Variants in CIMIP2C observed in about 807,000 individuals in gnomAD.
CIMIP2C encodes the protein UPF0573 protein C2orf70.
chr2:26,563,591 C>T, the CIMIP2C span, among the ~76,000 whole-genome samples: 1 of 152,092 alleles, frequency 6.6e-6, no homozygotes, highest in Non-Finnish European at 1.5e-5. Flanking sequence ...ATGAATGATC[C>T]TAAGAACCCT....
the CIMIP2C span, chr2:26,562,814 G>A: frequency 6.3e-5 from 49 of 779,974 alleles, 1 homozygote; most frequent in South Asian, 3.3e-4. Flanking sequence ...TCCACCCGAC[G>A]GGGCGAGGGG....
the CIMIP2C span, among the ~76,000 whole-genome samples, chr2:26,572,349 G>GTTTTTTTTTTTTT: frequency 1.4e-5 from 2 of 138,658 alleles, no homozygotes; most frequent in African/African-American, 2.7e-5. Context: ...TACTGAGTTG[G>GTTTTTTTTTTTTT]TTTTTTTTTT....
At chr2:26,576,240 A>G in the CIMIP2C span, 1 of 1,547,500 alleles carries the variant, frequency 6.5e-7, no homozygotes, top group Non-Finnish European at 8.7e-7. Context: ...ACGGGAAGGG[A>G]GTGATGGCCA....
At chr2:26,571,543 C>T in the CIMIP2C span, among the ~76,000 whole-genome samples, 2 of 152,164 alleles carry the variant, frequency 1.3e-5, no homozygotes, top group Non-Finnish European at 2.9e-5. Context: ...TTTGTGTTCC[C>T]AGCACTTAGT....
chr2:26,577,590 C>G, the CIMIP2C span: 2 of 1,614,062 alleles, frequency 1.2e-6, no homozygotes, highest in Non-Finnish European at 1.7e-6. Flanking sequence ...TTGCGATGCC[C>G]GTGAGGGAGC....
At chr2:26,576,955 C>T in the CIMIP2C span, among the ~76,000 whole-genome samples, 3 of 152,364 alleles carry the variant, frequency 2.0e-5, no homozygotes, top group South Asian at 2.1e-4. Flanking sequence ...AAGCCTCCCC[C>T]TCTAGCCTGA....
chr2:26,574,900 A>G, the CIMIP2C span, among the ~76,000 whole-genome samples: 1 of 152,232 alleles, frequency 6.6e-6, no homozygotes, highest in Non-Finnish European at 1.5e-5. Context: ...CAAGGGCCTC[A>G]TGGAGCAGAA....
At chr2:26,572,812 G>A in the CIMIP2C span, among the ~76,000 whole-genome samples, 1 of 152,218 alleles carries the variant, frequency 6.6e-6, no homozygotes, top group Non-Finnish European at 1.5e-5. Context: ...AGGAGGAGAA[G>A]GAGGGAGGGG....
At chr2:26,573,015 A>G in the CIMIP2C span, among the ~76,000 whole-genome samples, 1 of 152,230 alleles carries the variant, frequency 6.6e-6, no homozygotes, top group Non-Finnish European at 1.5e-5. Flanking sequence ...TACACGTCAC[A>G]GGTTAGGTTT....
At chr2:26,579,399 G>A in the CIMIP2C span, 2 of 1,614,068 alleles carry the variant, frequency 1.2e-6, no homozygotes, top group East Asian at 2.2e-5. Flanking sequence ...CTCCACAGGA[G>A]CGGAAAAAGA....
the CIMIP2C span, among the ~76,000 whole-genome samples, chr2:26,564,788 T>C: frequency 1.2e-3 from 190 of 152,358 alleles, 1 homozygote; most frequent in Non-Finnish European, 2.1e-3. Context: ...GCTTTATTCA[T>C]AGAGGCGAGA....
chr2:26,573,626 C>T, the CIMIP2C span, among the ~76,000 whole-genome samples: 1 of 152,236 alleles, frequency 6.6e-6, no homozygotes, highest in Admixed American at 6.5e-5. Context: ...CCAATTCCTC[C>T]GTCTTCCCAG....
the CIMIP2C span, among the ~76,000 whole-genome samples, chr2:26,567,657 G>A: frequency 1.4e-4 from 22 of 152,322 alleles, no homozygotes; most frequent in African/African-American, 5.3e-4. Flanking sequence ...GGCACCCGAG[G>A]TGCAGCCCTC....
the CIMIP2C span, chr2:26,562,795 A>G: frequency 1.0e-6 from 1 of 971,654 alleles, no homozygotes; most frequent in Non-Finnish European, 1.6e-6. Context: ...AACCCCGAGG[A>G]GCCAATTTTC....
At chr2:26,579,480 G>A in the CIMIP2C span, 50 of 1,599,858 alleles carry the variant, frequency 3.1e-5, no homozygotes, top group Admixed American at 7.1e-4. Flanking sequence ...GAGATCCTGG[G>A]TCGTGACCAG....
chr2:26,570,416 A>T, the CIMIP2C span, among the ~76,000 whole-genome samples: 1 of 152,220 alleles, frequency 6.6e-6, no homozygotes, highest in African/African-American at 2.4e-5. Context: ...TCCAGTGAAC[A>T]TTTGTTGAGC....
the CIMIP2C span, chr2:26,575,847 A>G: frequency 1.5e-5 from 23 of 1,572,600 alleles, no homozygotes; most frequent in Admixed American, 1.7e-4. Flanking sequence ...CTCTTGGAAC[A>G]GGCCTGGGGC....
the CIMIP2C span, among the ~76,000 whole-genome samples, chr2:26,568,671 C>G: frequency 6.6e-6 from 1 of 152,152 alleles, no homozygotes; most frequent in Non-Finnish European, 1.5e-5. Flanking sequence ...AACCCTACTT[C>G]CCCAGAGAGC....
At chr2:26,576,239 G>A in the CIMIP2C span, 10 of 1,552,000 alleles carry the variant, frequency 6.4e-6, no homozygotes, top group African/African-American at 1.2e-4. Flanking sequence ...CACGGGAAGG[G>A]AGTGATGGCC....
Sources: allele counts gnomAD v4.1 joint callset (sites outside exome capture counted in the v4.1 genomes callset), GRCh38; gene constraint gnomAD v4.1.1; transcripts MANE v1.5; gene names NCBI Gene and HGNC (gene_info 2026-07-23, HGNC 2026-07-21).